The following TASOR variants were observed in gnomAD, a reference collection of about 807,000 sequenced individuals.
TASOR encodes the protein protein TASOR.
Under a neutral mutation model 178.6 loss-of-function variants are expected in TASOR, and 53 were observed. The ratio of observed to expected loss-of-function variants is 0.30; its 90% CI spans 0.24 to 0.37. The LOEUF (loss-of-function observed/expected upper bound fraction) is 0.37. Among genes scored for constraint, TASOR ranks in the 10% least tolerant of loss-of-function variants. The pLI is 1.00. For synonymous variants in TASOR, 713 were observed against 696.2 expected, an observed-to-expected ratio of 1.02 and a Z score of -0.38; for missense variants, 1,815 against 1,971.4, an observed-to-expected ratio of 0.92 and a Z score of 1.50.
rs1482289605 is a variant in TASOR, at chr3:56,647,193, T to C, written c.1544A>G (p.Gln515Arg). The change falls in exon 14 of 24, where the codon CAG becomes CGG. Residue 515 changes from glutamine (Q) to arginine (R), a missense_variant. Coordinates refer to ENST00000683822, the MANE Select transcript of TASOR (RefSeq NM_001365635.2). ...ATCTGGCATGCTCTCATGCCTCTCC[T>C]GTGGTGCTGCATTGGTTGAACCTTT... The part of the protein sequence containing the change: ...SQKGSTNAAP[Q>R]ERHESMPDVL... The C allele has an allele frequency of 3.8e-6, 6 of 1,568,146 alleles. No homozygotes were observed. Among genetic ancestry groups the C allele is most frequent in the African/African-American group, 1.4e-5 (1 of 72,410 alleles).
At chr3:56,626,570 C>A (rs1278488539) in intron 21 of TASOR, among the ~76,000 whole-genome samples, 1 of 152,000 alleles carries the variant, frequency 6.6e-6, no homozygotes, top group African/African-American at 2.4e-5. Context: ...CGGTGAAACC[C>A]CATCTCTACT....
rs2077251696 is a variant in TASOR at position 56,647,095 on chromosome 3, T to C, written c.1642A>G (p.Ile548Val). 7 of 1,606,012 alleles carry C rather than the reference T, an allele frequency of 4.4e-6. No individual in the cohort carries two copies. Among genetic ancestry groups the C allele is most frequent in the Non-Finnish European group, 5.1e-6 (6 of 1,178,234 alleles). The stretch of plus-strand genomic sequence containing the variant: ...TTTTCAACAACAGAATGAAAATTTA[T>C]GGCGCTTATATTTTTGAATTCCTTT... Reference protein sequence around the residue: ...CRKEFKNISAINFHSVVEKYV... With the variant: ...CRKEFKNISAVNFHSVVEKYV... The change falls in exon 14 of 24, where the codon ATA becomes GTA. Residue 548 changes from isoleucine (I) to valine (V), a missense_variant. Transcript: ENST00000683822.
At chr3:56,634,970 C>T (rs2076987705) in intron 17 of TASOR, among the ~76,000 whole-genome samples, 1 of 152,164 alleles carries the variant, frequency 6.6e-6, no homozygotes, top group Admixed American at 6.5e-5. Context: ...CACAATTTTA[C>T]CCGCTAAAAA....
chr3:56,675,655 G>C (rs940762219), intron 1 of TASOR, among the ~76,000 whole-genome samples: 3 of 152,086 alleles, frequency 2.0e-5, no homozygotes, highest in Admixed American at 6.6e-5. Context: ...ACTGTAGAGA[G>C]AACTACTCAT....
At chr3:56,663,712 A>G (rs2107616172) in intron 7 of TASOR, 140 bp from the exon 8 acceptor site, 1 of 1,084,492 alleles carries the variant, frequency 9.2e-7, no homozygotes, top group African/African-American at 1.6e-5. Context: ...CAAAGAAATT[A>G]CTCATTACAA....
chr3:56,676,127 T>C (rs923727241), intron 1 of TASOR, among the ~76,000 whole-genome samples: 6 of 149,888 alleles, frequency 4.0e-5, no homozygotes, highest in South Asian at 2.2e-4. Context: ...CGGTAACCTA[T>C]TGATTGTAAG....
rs1282955832 is a variant in TASOR, at chr3:56,683,018, AAGG to A, written c.-15_-13del. 1.3e-6 allele frequency: 2 copies of A among 1,527,528 alleles called. No individual in the cohort carries two copies. 94.6% of individuals were successfully genotyped at this position (1,527,528 alleles called of 1,614,324 possible). A position where few individuals can be genotyped will look rare whatever the true frequency, so the allele number is the denominator to read the frequency against. ...ACAGCAGTCGCCATCGCGCCGGCCT[AAGG>A]AGCTCTGGGAAGCTTCTGCCCACAA... On this transcript the variant is annotated 5_prime_UTR_variant, in exon 1 of 24. Coordinates refer to ENST00000683822, the MANE Select transcript of TASOR (RefSeq NM_001365635.2).
chr3:56,673,751 AATGTTTAAC>A, intron 1 of TASOR, 26 bp from the exon 2 acceptor site: 2 of 1,526,064 alleles, frequency 1.3e-6, no homozygotes, highest in Non-Finnish European at 1.8e-6. Flanking sequence ...AAACATTTAA[AATGTTTAAC>A]ATTACTCCAT....
chr3:56,673,000 C>A (rs927119030), intron 2 of TASOR, among the ~76,000 whole-genome samples: 9 of 151,732 alleles, frequency 5.9e-5, no homozygotes, highest in Non-Finnish European at 1.0e-4. Flanking sequence ...TTCGTAGAGA[C>A]GGGTTTTGCC....
At chr3:56,679,071 A>AT (rs2031574001) in intron 1 of TASOR, among the ~76,000 whole-genome samples, 1 of 151,652 alleles carries the variant, frequency 6.6e-6, no homozygotes, top group African/African-American at 2.4e-5. Context: ...CAATTGTCTG[A>AT]TTTAAAGTAA....
chr3:56,648,182 G>A (rs1046948042), intron 13 of TASOR, among the ~76,000 whole-genome samples: 6 of 151,962 alleles, frequency 3.9e-5, no homozygotes, highest in African/African-American at 1.4e-4. Flanking sequence ...ACCACTGCCT[G>A]GGCAACAGAG....
At chr3:56,635,580 GA>G (rs532359917) in intron 17 of TASOR, among the ~76,000 whole-genome samples, 293 of 151,918 alleles carry the variant, frequency 1.9e-3, no homozygotes, top group African/African-American at 6.0e-3. Context: ...TATATTCAAA[GA>G]AAAAAAATTG....
chr3:56,671,518 G>A (rs956255290), intron 3 of TASOR, 82 bp downstream of exon 3: 2 of 968,738 alleles, frequency 2.1e-6, no homozygotes, highest in Non-Finnish European at 3.1e-6. Context: ...TAATTGTAAA[G>A]AATACTGTTG....
intron 23 of TASOR, chr3:56,623,805 C>CA (rs769588554): frequency 6.4e-7 from 1 of 1,551,170 alleles, no homozygotes; most frequent in African/African-American, 1.4e-5. Flanking sequence ...TGGGAAATCC[C>CA]AACTCCCAGC....
Position 56,628,477 on chromosome 3 carries a change from G to C in TASOR, c.3870+15C>G, listed in dbSNP as rs779510994. ...TTTTTAAAACCAAAGTAGTGAATTT[G>C]ACTTAATAGTCTACCTTGTGAATGA... is the stretch of plus-strand genomic sequence containing the variant. On this transcript the variant is annotated intron_variant, in intron 19 of 23. Coordinates refer to ENST00000683822, the MANE Select transcript of TASOR (RefSeq NM_001365635.2). 6.3e-7 allele frequency: 1 copy of C among 1,591,900 alleles called. No homozygotes were observed. The highest frequency in any genetic ancestry group is 1.4e-5 in the African/African-American group (1 of 73,888).
In TASOR at chr3:56,668,495, TCTTA is replaced by T; in HGVS notation, c.795_798del (p.Asn265LysfsTer45). ...TGCTTTGGTGTGGGGTCCAAAGCAC[TCTTA>T]TTTAACATAGATTCCAAACTTTTTA... On this transcript the variant is annotated frameshift_variant, in exon 6 of 24. Transcript: ENST00000683822. LOFTEE classifies it high-confidence loss of function. The T allele has an allele frequency of 6.4e-7, 1 of 1,551,464 alleles. No individual in the cohort carries two copies.
intron 11 of TASOR, among the ~76,000 whole-genome samples, chr3:56,653,048 T>A (rs1318865490): frequency 6.6e-6 from 1 of 151,976 alleles, no homozygotes; most frequent in African/African-American, 2.4e-5. Flanking sequence ...GTGGATCACC[T>A]GAGGTCAGGA....
chr3:56,644,585 C>T (rs2077196376), intron 14 of TASOR, among the ~76,000 whole-genome samples: 1 of 152,146 alleles, frequency 6.6e-6, no homozygotes, highest in South Asian at 2.1e-4. Flanking sequence ...CATGGCTGGA[C>T]ATGGCTAGTC....
At chr3:56,633,021 C>T in intron 18 of TASOR, 23 bp downstream of exon 18, 2 of 1,512,734 alleles carry the variant, frequency 1.3e-6, no homozygotes, top group Non-Finnish European at 1.8e-6. Context: ...TACAGCATTA[C>T]TATTACCTTC....
Sources: allele counts gnomAD v4.1 joint callset (sites outside exome capture counted in the v4.1 genomes callset), GRCh38; gene constraint gnomAD v4.1.1; transcripts MANE v1.5; gene names NCBI Gene and HGNC (gene_info 2026-07-23, HGNC 2026-07-21).